The following POGLUT1 variants were observed in gnomAD, a reference collection of about 807,000 sequenced individuals.
POGLUT1 encodes the protein protein O-glucosyltransferase 1.
A neutral mutation model predicts 61.3 loss-of-function variants in POGLUT1; 32 were observed. That is an observed-to-expected ratio of 0.52 (90% CI 0.39 to 0.70). POGLUT1 has a LOEUF of 0.70. POGLUT1 is among the 30% of genes least tolerant of loss of function. The pLI is 0.00. For missense variants in POGLUT1, 411 were observed against 469.8 expected, an observed-to-expected ratio of 0.87 and a Z score of 1.16; for synonymous variants, 158 against 158.2, an observed-to-expected ratio of 1.00 and a Z score of 0.01.
chr3:119,477,144 G>A (rs918034782), intron 3 of POGLUT1, among the ~76,000 whole-genome samples, 169 bp from the exon 4 acceptor site: 1 of 152,206 alleles, frequency 6.6e-6, no homozygotes, highest in Admixed American at 6.5e-5. Flanking sequence ...ATACAAAAAA[G>A]CAGAATAGCC....
chr3:119,475,952 C>T (rs1376118053), intron 3 of POGLUT1, among the ~76,000 whole-genome samples: 4 of 126,596 alleles, frequency 3.2e-5, no homozygotes, highest in Admixed American at 8.4e-5. Context: ...AAGACTGTCT[C>T]TCCACACACA....
chr3:119,479,470 A>G (rs913062816), intron 4 of POGLUT1, among the ~76,000 whole-genome samples: 5 of 152,206 alleles, frequency 3.3e-5, no homozygotes, highest in African/African-American at 4.8e-5. Flanking sequence ...TAGTTAGATC[A>G]TATTATTGAT....
intron 1 of POGLUT1, among the ~76,000 whole-genome samples, 168 bp from the exon 2 acceptor site, chr3:119,469,652 G>C (rs1472169819): frequency 6.6e-6 from 1 of 152,200 alleles, no homozygotes; most frequent in African/African-American, 2.4e-5. Context: ...CTTGACGTGA[G>C]CGTGGGAGTT....
intron 3 of POGLUT1, 27 bp downstream of exon 3, chr3:119,471,479 T>C (rs2081473821): frequency 1.2e-6 from 2 of 1,607,440 alleles, no homozygotes; most frequent in East Asian, 2.2e-5. Flanking sequence ...TAGATATATC[T>C]TCTGACTTTA....
At chr3:119,476,752 T>G (rs2081542104) in intron 3 of POGLUT1, among the ~76,000 whole-genome samples, 1 of 152,248 alleles carries the variant, frequency 6.6e-6, no homozygotes. Context: ...GTTACACTAT[T>G]TATGATTATG....
At chr3:119,471,210 C>T in intron 2 of POGLUT1, 99 bp from the exon 3 acceptor site, 1 of 1,019,814 alleles carries the variant, frequency 9.8e-7, no homozygotes, top group Middle Eastern at 2.6e-4. Context: ...CTTCCACTTA[C>T]TGTGTTCTCT....
intron 10 of POGLUT1, 93 bp from the exon 11 acceptor site, chr3:119,492,189 A>G (rs760482372): frequency 4.6e-5 from 41 of 888,442 alleles, no homozygotes; most frequent in Non-Finnish European, 6.9e-5. Context: ...AAAATGCTGA[A>G]TAATGCTTGG....
chr3:119,485,240 C>A, intron 5 of POGLUT1, 88 bp from the exon 6 acceptor site: 2 of 834,782 alleles, frequency 2.4e-6, no homozygotes, highest in Non-Finnish European at 3.9e-6. Flanking sequence ...AAATATGAAG[C>A]TCTGAACTAA....
rs2081590064 is a variant in POGLUT1 at position 119,480,230 on chromosome 3, A to G, written c.578+58A>G. 7.4e-6 allele frequency: 10 copies of G among 1,357,086 alleles called. No homozygotes were observed. The South Asian group carries it at 1.3e-4, about 17-fold the overall frequency. The allele number at this position is 1,357,086 out of a possible 1,614,324, so 84.1% of individuals were successfully genotyped here. A position where few individuals can be genotyped will look rare whatever the true frequency, so the allele number is the denominator to read the frequency against. The stretch of plus-strand genomic sequence containing the variant: ...TTTCTGGGTTTTCTTGAAATAAGCC[A>G]TAGAATATAACCAATTATTTACTTT... On this transcript the variant is annotated intron_variant, in intron 5 of 10. Transcript: ENST00000295588.
At chr3:119,472,488 G>A (rs536600315) in intron 3 of POGLUT1, among the ~76,000 whole-genome samples, 18 of 152,152 alleles carry the variant, frequency 1.2e-4, no homozygotes, top group African/African-American at 3.9e-4. Context: ...AGGCTGAGAT[G>A]AGCGGATCAC....
intron 5 of POGLUT1, among the ~76,000 whole-genome samples, chr3:119,482,687 T>A (rs183370494): frequency 6.6e-6 from 1 of 152,350 alleles, no homozygotes; most frequent in Non-Finnish European, 1.5e-5. Flanking sequence ...TGATGTTCAT[T>A]TGTTACCTTG....
In POGLUT1 at chr3:119,471,296, C is replaced by A. The variant is rs2081468862; in HGVS notation, c.177-13C>A. On this transcript the variant is annotated splice_polypyrimidine_tract_variant and intron_variant, in intron 2 of 10. Coordinates refer to ENST00000295588, the MANE Select transcript of POGLUT1 (RefSeq NM_152305.3). ...TTGGCCTGCTTTCCTTGATGACTCC[C>A]ATTCTTTCCCAGTGTCATAGAAGAG... 1 of 1,612,940 alleles carries A rather than the reference C, an allele frequency of 6.2e-7. No homozygotes were observed. Among genetic ancestry groups the A allele is most frequent in the Non-Finnish European group, 8.5e-7 (1 of 1,179,378 alleles).
At chr3:119,491,026 A>G (rs1366250038) in intron 9 of POGLUT1, among the ~76,000 whole-genome samples, 2 of 151,922 alleles carry the variant, frequency 1.3e-5, no homozygotes, top group East Asian at 3.8e-4. Flanking sequence ...TATATTGTCA[A>G]AAGGATTTTC....
At chr3:119,477,222 T>A (rs1202842450) in intron 3 of POGLUT1, 91 bp from the exon 4 acceptor site, 2 of 1,248,368 alleles carry the variant, frequency 1.6e-6, no homozygotes, top group Non-Finnish European at 2.3e-6. Context: ...GAACACTGGC[T>A]TGTCTTACTT....
At position 119,486,926 on chromosome 3, in the gene POGLUT1, T is replaced by A; in HGVS notation, c.732T>A (p.Ser244=). 2 of 1,603,472 alleles carry A rather than the reference T, an allele frequency of 1.2e-6. No homozygotes were observed. Among genetic ancestry groups the A allele is most frequent in the South Asian group, 2.2e-5 (2 of 90,882 alleles). ...ACACCAAAAACCAGGCCTGGAAATC[T>A]ATGAAAGTAATCACCAGTCATCTGA... is the stretch of plus-strand genomic sequence containing the variant. ...AEYTKNQAWK[S]MKDTLGKPAA... Residue 244 remains serine (S), a synonymous_variant, in exon 7 of 11, where the codon TCT becomes TCA. Coordinates refer to ENST00000295588, the MANE Select transcript of POGLUT1 (RefSeq NM_152305.3).
intron 5 of POGLUT1, among the ~76,000 whole-genome samples, chr3:119,480,531 A>T (rs2081593942): frequency 6.6e-6 from 1 of 151,828 alleles, no homozygotes. Context: ...TACAGGCGTG[A>T]GCCACCGCGC....
intron 5 of POGLUT1, among the ~76,000 whole-genome samples, chr3:119,481,223 A>T (rs1007255820): frequency 6.6e-6 from 1 of 152,308 alleles, no homozygotes; most frequent in Admixed American, 6.5e-5. Context: ...TCCCATAAGC[A>T]TCTCAAGTAC....
chr3:119,471,499 G>A lies in POGLUT1; in HGVS notation c.320+47G>A, dbSNP rs773726453. 17 of 1,562,140 alleles carry A rather than the reference G, an allele frequency of 1.1e-5. No homozygotes were observed. In the Admixed American group the frequency reaches 2.7e-4, roughly 25 times the overall value. ...ATATCTTCTGACTTTATTACATATGGGCTTGATACCCTTTTATAGAGGAGC... is the reference window on the plus strand; with the variant it reads ...ATATCTTCTGACTTTATTACATATGAGCTTGATACCCTTTTATAGAGGAGC... On this transcript the variant is annotated intron_variant, in intron 3 of 10. Transcript: ENST00000295588.
At chr3:119,478,985 C>T (rs994200385) in intron 4 of POGLUT1, among the ~76,000 whole-genome samples, 10 of 151,684 alleles carry the variant, frequency 6.6e-5, no homozygotes, top group East Asian at 1.9e-4. Flanking sequence ...AGTGCAGTGG[C>T]GCGATCTCAG....
Sources: allele counts gnomAD v4.1 joint callset (sites outside exome capture counted in the v4.1 genomes callset), GRCh38; gene constraint gnomAD v4.1.1; transcripts MANE v1.5; gene names NCBI Gene and HGNC (gene_info 2026-07-23, HGNC 2026-07-21).